The following MROH2B variants were observed in gnomAD, a reference collection of about 807,000 sequenced individuals.
The protein encoded by MROH2B is maestro heat-like repeat-containing protein family member 2B.
Under a neutral mutation model 208.6 loss-of-function variants are expected in MROH2B, and 177 were observed. The ratio of observed to expected loss-of-function variants is 0.85; its 90% confidence interval spans 0.75 to 0.96. The LOEUF is 0.96. Among genes scored for constraint, MROH2B ranks in the 40% least tolerant of loss-of-function variants. The pLI is 0.00. For missense variants in MROH2B, 2,002 were observed against 1,878.7 expected (o/e 1.07, Z -1.21); for synonymous variants, 728 against 659.0 (o/e 1.10, Z -1.60).
At chr5:41,014,425 C>G (rs1268905397) in intron 29 of MROH2B, among the ~76,000 whole-genome samples, 1 of 152,030 alleles carries the variant, frequency 6.6e-6, no homozygotes, top group Non-Finnish European at 1.5e-5. Context: ...CATCACACAC[C>G]AGGGCCTGTT....
intron 36 of MROH2B, 116 bp from the exon 37 acceptor site, chr5:41,004,644 G>T: frequency 6.6e-7 from 1 of 1,511,824 alleles, no homozygotes; most frequent in Non-Finnish European, 8.9e-7. Flanking sequence ...TAGTTCAACC[G>T]AAGGACTACC....
In MROH2B at chr5:41,069,699, C is replaced by G; in HGVS notation, c.82G>C (p.Val28Leu). 1 of 1,604,008 alleles carries G rather than the reference C, an allele frequency of 6.2e-7. No homozygotes were observed. The highest frequency in any genetic ancestry group is 8.5e-7 in the Non-Finnish European group (1 of 1,174,246). The change falls in exon 2 of 42, where the codon GTT (valine) becomes CTT (leucine). Residue 28 changes from valine to leucine, a missense_variant. Physicochemically the swap from Val to Leu is conservative, Grantham distance 32. Coordinates refer to ENST00000399564, the MANE Select transcript of MROH2B (RefSeq NM_173489.5). ...TLGMLNKEDI[V>L]NKEDIYSHLT... ...TTCTCTGTTTTCCCTACCTTGTTAA[C>G]AATATCTTCCTTGTTCAGCATGCCA...
intron 7 of MROH2B, 119 bp from the exon 8 acceptor site, chr5:41,057,479 C>A: frequency 2.8e-6 from 2 of 717,192 alleles, no homozygotes; most frequent in East Asian, 2.8e-5. Context: ...CCTGCAGTTA[C>A]AAGTTTTCTT....
chr5:41,039,953 T>C (rs1742891458), intron 19 of MROH2B, among the ~76,000 whole-genome samples: 1 of 152,058 alleles, frequency 6.6e-6, no homozygotes, highest in Non-Finnish European at 1.5e-5. Context: ...CATTAGACTA[T>C]CTGGAAAGGA....
At chr5:41,015,532 GA>G in intron 28 of MROH2B, 54 bp from the exon 29 acceptor site, 1 of 1,507,596 alleles carries the variant, frequency 6.6e-7, no homozygotes, top group Non-Finnish European at 9.2e-7. Flanking sequence ...GATAGGGGTT[GA>G]AGAGGCTGGC....
At chr5:41,067,528 G>A (rs1579964501) in intron 2 of MROH2B, among the ~76,000 whole-genome samples, 2 of 151,962 alleles carry the variant, frequency 1.3e-5, no homozygotes, top group Admixed American at 6.6e-5. Context: ...CACCATGCCC[G>A]AATAATTTTT....
chr5:41,005,973 G>A (rs1029205843), intron 34 of MROH2B, among the ~76,000 whole-genome samples: 2 of 149,700 alleles, frequency 1.3e-5, no homozygotes, highest in South Asian at 4.2e-4. Flanking sequence ...AGAGGTTGCA[G>A]TCAGCCGAGA....
intron 2 of MROH2B, among the ~76,000 whole-genome samples, chr5:41,069,360 T>G (rs1365275882): frequency 6.6e-6 from 1 of 152,166 alleles, no homozygotes; most frequent in Admixed American, 6.5e-5. Context: ...GCTTTTGGGA[T>G]TTTTGTAACA....
rs753717266 is a variant in MROH2B at position 41,005,548 on chromosome 5, C to T, written c.3847G>A (p.Ala1283Thr). ...TCCCTTGCCTCAGAGAAGAAAGCTG[C>T]GCCGGTTATCCGGTAGTTCTCCGAG... The part of the protein sequence containing the change: ...SSSENYRITG[A>T]AFFSELMKEP... The change falls in exon 35 of 42, where the codon GCA becomes ACA. Residue 1283 changes from alanine to threonine, a missense_variant. Ala to Thr is a moderately conservative substitution (Grantham distance 58, BLOSUM62 0). Transcript: ENST00000399564. 1.7e-5 allele frequency: 28 copies of T among 1,603,466 alleles called. No individual in the cohort carries two copies. Among genetic ancestry groups the T allele is most frequent in the African/African-American group, 2.7e-5 (2 of 74,732 alleles).
intron 28 of MROH2B, among the ~76,000 whole-genome samples, chr5:41,016,496 A>ATTTT (rs1380488919): frequency 1.7e-5 from 1 of 59,674 alleles, no homozygotes; most frequent in Non-Finnish European, 3.5e-5. Flanking sequence ...TACTACTGTA[A>ATTTT]TGTTTTTTTT....
At chr5:41,044,757 G>T (rs1743064992) in intron 18 of MROH2B, among the ~76,000 whole-genome samples, 1 of 152,174 alleles carries the variant, frequency 6.6e-6, no homozygotes, top group Non-Finnish European at 1.5e-5. Flanking sequence ...GATTGATAAT[G>T]ATTACTTTGT....
intron 13 of MROH2B, among the ~76,000 whole-genome samples, chr5:41,050,203 T>A (rs1743244941): frequency 6.6e-6 from 1 of 152,248 alleles, no homozygotes; most frequent in Non-Finnish European, 1.5e-5. Flanking sequence ...ATTATCGTTT[T>A]AAATGTTTAG....
chr5:41,062,323 G>A (rs1262049567), intron 5 of MROH2B, among the ~76,000 whole-genome samples: 4 of 152,170 alleles, frequency 2.6e-5, no homozygotes, highest in Admixed American at 2.6e-4. Flanking sequence ...AACAGGCAAA[G>A]CTAATGGTGT....
At chr5:41,026,606 A>G (rs1742369459) in intron 24 of MROH2B, among the ~76,000 whole-genome samples, 1 of 152,214 alleles carries the variant, frequency 6.6e-6, no homozygotes, top group East Asian at 1.9e-4. Context: ...AAATGGCCAT[A>G]CTGCCCAAGG....
At position 41,071,049 on chromosome 5, in the gene MROH2B, T is replaced by C. The variant is rs1743976274; in HGVS notation, c.-197A>G. On this transcript the variant is annotated 5_prime_UTR_variant, in exon 1 of 42. Coordinates refer to ENST00000399564, the MANE Select transcript of MROH2B (RefSeq NM_173489.5). ...ATGGGCTTGCTGTTGAAGTTGATAC[T>C]GTATTCTACCACTATGACATTGTCT... The C allele has an allele frequency of 5.2e-6, 3 of 578,800 alleles. No homozygotes were observed. Among genetic ancestry groups the C allele is most frequent in the South Asian group, 2.3e-5 (1 of 44,076 alleles). The allele number at this position is 578,800 out of a possible 1,614,324, so 35.9% of individuals were successfully genotyped here. A position where few individuals can be genotyped will look rare whatever the true frequency, so the allele number is the denominator to read the frequency against.
intron 24 of MROH2B, among the ~76,000 whole-genome samples, chr5:41,027,948 A>T (rs1742432787): frequency 6.6e-6 from 1 of 152,120 alleles, no homozygotes; most frequent in African/African-American, 2.4e-5. Context: ...CCGAAAAACC[A>T]AACACCGCTT....
At position 41,032,846 on chromosome 5, in the gene MROH2B, A is replaced by G. The variant is rs117373407; in HGVS notation, c.2362-25T>C. 3,122 of 1,600,710 alleles carry G rather than the reference A, an allele frequency of 2.0e-3. 98 individuals carry two copies. In the East Asian group the frequency reaches 0.059, roughly 30 times the overall value. On this transcript the variant is annotated intron_variant, in intron 23 of 41. Transcript: ENST00000399564. ...CCTGAAACATAAATAAGGAGATTAA[A>G]TGTTTCAGAAAGGCTCAGGAAAGTT...
Position 41,049,119 on chromosome 5 carries a change from C to A in MROH2B, c.1524G>T (p.Gln508His), listed in dbSNP as rs1164972192. ...TGAVKLPSPQ[Q>H]LLARLLVISM... The stretch of plus-strand genomic sequence containing the variant: ...CACTCACCAGAAGTCTGGCCAGTAG[C>A]TGCTGTGGTGAAGGAAGTTTCACTA... Residue 508 changes from glutamine (Q) to histidine (H), a missense_variant, in exon 15 of 42, where the codon CAG becomes CAT. Physicochemically the swap from Gln to His is conservative, Grantham distance 24 (BLOSUM62 0). Transcript: ENST00000399564. 6.3e-7 allele frequency: 1 copy of A among 1,599,770 alleles called. No homozygotes were observed. The highest frequency in any genetic ancestry group is 1.1e-5 in the South Asian group (1 of 88,534).
Position 41,009,864 on chromosome 5 carries a change from C to A in MROH2B, c.3293+58G>T, listed in dbSNP as rs144490454. ...TTGCTCTCAAACCGTAAATCCCTCCCCAGTGCCTTTCAGAGTGGCCTTCCC... is the reference window on the plus strand; with the variant it reads ...TTGCTCTCAAACCGTAAATCCCTCCACAGTGCCTTTCAGAGTGGCCTTCCC... On this transcript the variant is annotated intron_variant, in intron 31 of 41. Transcript: ENST00000399564. 26 of 1,544,148 alleles carry A rather than the reference C, an allele frequency of 1.7e-5. No homozygotes were observed. The East Asian group carries it at 5.6e-4, about 34-fold the overall frequency.
Sources: allele counts gnomAD v4.1 joint callset (sites outside exome capture counted in the v4.1 genomes callset), GRCh38; gene constraint gnomAD v4.1.1; transcripts MANE v1.5; gene names NCBI Gene and HGNC (gene_info 2026-07-23, HGNC 2026-07-21).